NDE1: variants seen among roughly 807,000 people sequenced by gnomAD.
The protein encoded by NDE1 is nudE neurodevelopment protein 1, also known as nuclear distribution protein nudE homolog 1.
A neutral mutation model predicts 43.4 loss-of-function variants in NDE1; 28 were observed. The observed-to-expected ratio is 0.65, with a 90% CI of 0.48 to 0.89. The LOEUF (loss-of-function observed/expected upper bound fraction) is 0.89. Among genes scored for constraint, NDE1 ranks in the 40% least tolerant of loss-of-function variants. NDE1 has a pLI of 0.00. For missense variants in NDE1, 441 were observed against 434.1 expected (o/e 1.02, Z -0.14); for synonymous variants, 184 against 172.0 (o/e 1.07, Z -0.55).
chr16:15,675,352 C>T (rs117574654), intron 3 of NDE1, among the ~76,000 whole-genome samples: 2,021 of 152,102 alleles, frequency 0.013, 18 homozygotes, highest in East Asian at 0.034. Flanking sequence ...ACGCCCGCCA[C>T]CAGGCCCAGC....
At chr16:15,706,590 C>T (rs1218711612) in intron 8 of NDE1, among the ~76,000 whole-genome samples, 5 of 152,062 alleles carry the variant, frequency 3.3e-5, no homozygotes, top group Admixed American at 3.3e-4. Context: ...GCCTGGAATC[C>T]CAGTCACTCA....
At chr16:15,649,053 G>A (rs1178951479), upstream of NDE1, among the ~76,000 whole-genome samples, 9 of 151,988 alleles carry the variant, frequency 5.9e-5, no homozygotes, top group African/African-American at 2.2e-4. Context: ...AAAATTAGCC[G>A]GGTGTGGTGA....
At chr16:15,687,606 G>A (rs2038505792) in intron 5 of NDE1, 95 bp downstream of exon 5, 3 of 1,205,110 alleles carry the variant, frequency 2.5e-6, no homozygotes, top group Non-Finnish European at 3.7e-6. Flanking sequence ...TCTTTACAGG[G>A]ACCCCACACC....
chr16:15,717,109 A>C, intron 8 of NDE1: 1 of 1,612,016 alleles, frequency 6.2e-7, no homozygotes, highest in African/African-American at 1.3e-5. Flanking sequence ...ACCCCCCTGC[A>C]AACTGGGTTC....
chr16:15,667,506 C>T, intron 3 of NDE1, 67 bp downstream of exon 3: 4 of 1,586,402 alleles, frequency 2.5e-6, no homozygotes, highest in Non-Finnish European at 3.4e-6. Flanking sequence ...GCATGCTTGG[C>T]TGGAAGAAGG....
At position 15,724,755 on chromosome 16, in the gene NDE1, C is replaced by T. The variant is rs749476388; in HGVS notation, c.*504C>T. The T allele has an allele frequency of 5.6e-6, 9 of 1,614,018 alleles. No individual in the cohort carries two copies. The African/African-American group carries it at 9.3e-5, about 17-fold the overall frequency. On this transcript the variant is annotated 3_prime_UTR_variant, in exon 9 of 9. Transcript: ENST00000396354. The stretch of plus-strand genomic sequence containing the variant: ...GCTCCTCCTCCAGCTGGCGCAGCTT[C>T]GTAGACACGTTGAGCTTCTGCCGGG...
At chr16:15,714,401 T>C (rs2039995460) in intron 8 of NDE1, 1 of 184,872 alleles carries the variant, frequency 5.4e-6, no homozygotes, top group Non-Finnish European at 1.1e-5. Context: ...AGGCCAGAAA[T>C]GTAAGCACCT....
chr16:15,679,025 C>T (rs1258498299), intron 4 of NDE1, among the ~76,000 whole-genome samples: 2 of 151,898 alleles, frequency 1.3e-5, no homozygotes, highest in Non-Finnish European at 2.9e-5. Context: ...TGTAGTGAGC[C>T]GAGATTGCGC....
chr16:15,707,571 G>T (rs952082971), intron 8 of NDE1, among the ~76,000 whole-genome samples: 1 of 152,112 alleles, frequency 6.6e-6, no homozygotes, highest in South Asian at 2.1e-4. Context: ...CTCACCCTGC[G>T]CTTTAAGTAT....
intron 8 of NDE1, among the ~76,000 whole-genome samples, chr16:15,722,460 A>G (rs1009940657): frequency 1.4e-4 from 22 of 152,214 alleles, no homozygotes; most frequent in Admixed American, 3.9e-4. Context: ...CCAAACTTCC[A>G]GTATTCAGCA....
chr16:15,676,897 CTGA>C (rs143721412), intron 3 of NDE1, among the ~76,000 whole-genome samples: 2 of 152,258 alleles, frequency 1.3e-5, no homozygotes, highest in African/African-American at 4.8e-5. Context: ...TTGTAATACA[CTGA>C]TGATATGTGT....
intron 4 of NDE1, among the ~76,000 whole-genome samples, chr16:15,682,230 CG>C (rs1189603274): frequency 6.6e-6 from 1 of 152,066 alleles, no homozygotes; most frequent in African/African-American, 2.4e-5. Flanking sequence ...CTCTCTCTGT[CG>C]CCCCTGCTGG....
intron 8 of NDE1, chr16:15,718,432 T>A (rs759181372): frequency 1.3e-6 from 2 of 1,567,218 alleles, no homozygotes; most frequent in Non-Finnish European, 1.7e-6. Context: ...CGTCCTGGAG[T>A]GCGTTCCTGG....
At chr16:15,706,311 AG>A (rs1316312303) in intron 8 of NDE1, among the ~76,000 whole-genome samples, 1 of 151,704 alleles carries the variant, frequency 6.6e-6, no homozygotes, top group African/African-American at 2.4e-5. Flanking sequence ...CGCTTGACTC[AG>A]AAGGATGCTC....
In NDE1 at chr16:15,655,662, A is replaced by G. The variant is rs557707311; in HGVS notation, c.-44+5368A>G. Among the ~76,000 whole-genome samples, 56 of 152,250 alleles carry G rather than the reference A, an allele frequency of 3.7e-4. 2 individuals carry two copies. The East Asian group carries it at 7.7e-3, about 21-fold the overall frequency. ...CCAAAGGACTATAAATCATGCTTCT[A>G]TAAAGACACATGCACACGTATGTTT... is the stretch of plus-strand genomic sequence containing the variant. On this transcript the variant is annotated intron_variant, in intron 1 of 8. Transcript: ENST00000396354.
chr16:15,669,201 G>GT lies in NDE1; in HGVS notation c.237+1772dup, dbSNP rs1039873341. On this transcript the variant is annotated intron_variant, in intron 3 of 8. Transcript: ENST00000396354. Reference sequence around the variant, plus strand: ...AGGCGTGAGCCACTGTGCCCAGCCTGTTTTTTTTTTGAGATGGAGTCTTGC... The same window carrying GT: ...AGGCGTGAGCCACTGTGCCCAGCCTGTTTTTTTTTTTGAGATGGAGTCTTGC... Among the ~76,000 whole-genome samples, 669 of 122,364 alleles carry GT rather than the reference G, an allele frequency of 5.5e-3. 5 individuals are homozygous for GT. Among genetic ancestry groups the GT allele is most frequent in the African/African-American group, 0.019 (630 of 32,750 alleles). The allele number at this position is 122,364 out of a possible 152,430, so 80.3% of individuals were successfully genotyped here.
intron 4 of NDE1, among the ~76,000 whole-genome samples, chr16:15,685,256 T>C (rs1567646766): frequency 6.6e-6 from 1 of 152,112 alleles, no homozygotes; most frequent in Non-Finnish European, 1.5e-5. Flanking sequence ...GTAGTGTGTT[T>C]TTTGTTTTTG....
intron 7 of NDE1, 30 bp from the exon 8 acceptor site, chr16:15,696,679 C>T (rs892061995): frequency 2.5e-6 from 4 of 1,613,980 alleles, no homozygotes; most frequent in African/African-American, 2.7e-5. Context: ...TTGCCTATAA[C>T]TTGAGAGATA....
intron 8 of NDE1, chr16:15,715,330 G>A (rs2040067426): frequency 6.4e-7 from 1 of 1,556,524 alleles, no homozygotes; most frequent in Non-Finnish European, 8.8e-7. Flanking sequence ...CTTGTAGCTG[G>A]TGTGTCACCT....
Sources: allele counts gnomAD v4.1 joint callset (sites outside exome capture counted in the v4.1 genomes callset), GRCh38; gene constraint gnomAD v4.1.1; transcripts MANE v1.5; gene names NCBI Gene and HGNC (gene_info 2026-07-23, HGNC 2026-07-21).